Variants in SV2C observed in about 807,000 individuals in gnomAD.
SV2C encodes solute carrier family 22 member B3.
A neutral mutation model predicts 79.7 loss-of-function variants in SV2C; 49 were observed. That is an observed-to-expected ratio of 0.61 (90% confidence interval 0.49 to 0.78). SV2C has a LOEUF of 0.78. SV2C is among the 30% of genes least tolerant of loss of function. The probability of loss-of-function intolerance (pLI) is 0.00; values close to 1 mark genes in which losing one functional copy is unlikely to be tolerated. For synonymous variants in SV2C, 334 were observed against 333.2 expected, an observed-to-expected ratio of 1.00 and a Z score of -0.03; for missense variants, 833 against 912.9, an observed-to-expected ratio of 0.91 and a Z score of 1.13.
chr5:75,935,677 A>G, the SV2C span, among the ~76,000 whole-genome samples: 12 of 152,316 alleles, frequency 7.9e-5, no homozygotes, highest in East Asian at 2.3e-3. Context: ...GTTGCGAACG[A>G]ATAAATATAG....
At chr5:76,171,422 C>G (rs1234262911) in intron 2 of SV2C, among the ~76,000 whole-genome samples, 11 of 97,676 alleles carry the variant, frequency 1.1e-4, no homozygotes, top group African/African-American at 3.6e-4. Context: ...AGCGCCTCTG[C>G]CCGGCCGAGA....
At chr5:76,054,499 G>A in the SV2C span, among the ~76,000 whole-genome samples, 1 of 152,110 alleles carries the variant, frequency 6.6e-6, no homozygotes, top group African/African-American at 2.4e-5. Context: ...ATTCCTTTGG[G>A]TATATACCCA....
chr5:76,026,750 A>C, the SV2C span, among the ~76,000 whole-genome samples: 1 of 152,218 alleles, frequency 6.6e-6, no homozygotes, highest in Non-Finnish European at 1.5e-5. Context: ...GCTTAAAATA[A>C]AGAGAACAAA....
chr5:76,281,397 TAA>T (rs745421752), intron 4 of SV2C: 5,831 of 179,968 alleles, frequency 0.032, no homozygotes, highest in South Asian at 0.066. Flanking sequence ...TTATGCAAAG[TAA>T]AAAAAAAAAA....
the SV2C span, among the ~76,000 whole-genome samples, chr5:75,999,037 A>G: frequency 1.3e-5 from 2 of 152,116 alleles, no homozygotes; most frequent in African/African-American, 4.8e-5. Flanking sequence ...AGCAAGTCAC[A>G]TCTTACATGG....
chr5:75,907,176 A>G, the SV2C span, among the ~76,000 whole-genome samples: 5 of 152,294 alleles, frequency 3.3e-5, no homozygotes, highest in African/African-American at 1.2e-4. Context: ...TCCATAGATG[A>G]TGGGTGGTCT....
At chr5:76,294,131 C>A (rs1223864023) in intron 8 of SV2C, among the ~76,000 whole-genome samples, 1 of 152,060 alleles carries the variant, frequency 6.6e-6, no homozygotes, top group African/African-American at 2.4e-5. Context: ...GGTCCGGGGA[C>A]CTTATCTTAT....
chr5:75,908,681 T>C, the SV2C span, among the ~76,000 whole-genome samples: 1 of 152,194 alleles, frequency 6.6e-6, no homozygotes, highest in South Asian at 2.1e-4. Context: ...CCTTCTTCCA[T>C]GGACATCTGG....
At chr5:75,901,345 G>A in the SV2C span, among the ~76,000 whole-genome samples, 1 of 152,198 alleles carries the variant, frequency 6.6e-6, no homozygotes, top group African/African-American at 2.4e-5. Context: ...TTTGCTGGAG[G>A]TCCACTCCAG....
chr5:76,227,895 C>T (rs1258892772), intron 4 of SV2C, among the ~76,000 whole-genome samples: 1 of 152,180 alleles, frequency 6.6e-6, no homozygotes, highest in Non-Finnish European at 1.5e-5. Flanking sequence ...CTTGTCCCAT[C>T]GCGGCTCACT....
rs551138158 is a variant in SV2C, at chr5:76,122,802, C to G, written c.-101-8848C>G. Among the ~76,000 whole-genome samples, 11 of 151,954 alleles carry G rather than the reference C, an allele frequency of 7.2e-5. No homozygotes were observed. The South Asian group carries it at 2.3e-3, about 32-fold the overall frequency. ...ATCCAAAATTGACACCCTAACATCA[C>G]GATTAAAAGAACTAGAAAAGCAAGA... On this transcript the variant is annotated intron_variant, in intron 1 of 12. Coordinates refer to ENST00000502798, the MANE Select transcript of SV2C (RefSeq NM_014979.4).
intron 12 of SV2C, among the ~76,000 whole-genome samples, chr5:76,339,186 A>C (rs1272177082): frequency 6.6e-6 from 1 of 152,178 alleles, no homozygotes; most frequent in African/African-American, 2.4e-5. Context: ...CAATTTACGC[A>C]TTTTAAAAAA....
the SV2C span, among the ~76,000 whole-genome samples, chr5:75,876,193 C>A: frequency 6.6e-6 from 1 of 151,968 alleles, no homozygotes; most frequent in African/African-American, 2.4e-5. Flanking sequence ...TGACAGATTG[C>A]ATAAAGAAAA....
downstream of SV2C, among the ~76,000 whole-genome samples, chr5:76,338,018 T>C (rs1220641762): frequency 6.6e-6 from 1 of 152,122 alleles, no homozygotes; most frequent in Admixed American, 6.5e-5. Context: ...ATGCCTGGAG[T>C]TGGATAAGAC....
At chr5:75,997,562 T>C in the SV2C span, among the ~76,000 whole-genome samples, 1 of 152,126 alleles carries the variant, frequency 6.6e-6, no homozygotes, top group African/African-American at 2.4e-5. Context: ...AAAGAAGACA[T>C]TTATGCAACC....
chr5:76,165,532 T>C (rs1224454213), intron 2 of SV2C, among the ~76,000 whole-genome samples: 2 of 152,226 alleles, frequency 1.3e-5, no homozygotes, highest in East Asian at 3.8e-4. Context: ...CTGGCAACAA[T>C]TAATCTGTTC....
At chr5:76,029,517 A>G in the SV2C span, among the ~76,000 whole-genome samples, 2 of 152,320 alleles carry the variant, frequency 1.3e-5, no homozygotes, top group East Asian at 3.9e-4. Context: ...TGATTCCTCA[A>G]CCAAAATCTG....
At chr5:75,907,226 A>G in the SV2C span, among the ~76,000 whole-genome samples, 1 of 152,190 alleles carries the variant, frequency 6.6e-6, no homozygotes. Flanking sequence ...TGTGCTCACT[A>G]CAAATTGGTT....
At chr5:76,155,635 C>G (rs193071831) in intron 2 of SV2C, among the ~76,000 whole-genome samples, 2 of 152,106 alleles carry the variant, frequency 1.3e-5, no homozygotes, top group African/African-American at 4.8e-5. Flanking sequence ...TTGAATGTGG[C>G]GTGCTGAGAA....
Sources: allele counts gnomAD v4.1 joint callset (sites outside exome capture counted in the v4.1 genomes callset), GRCh38; gene constraint gnomAD v4.1.1; transcripts MANE v1.5; gene names NCBI Gene and HGNC (gene_info 2026-07-23, HGNC 2026-07-21).